SEMA4D: variants seen among roughly 807,000 people sequenced by gnomAD.
SEMA4D encodes the protein semaphorin-4D.
In SEMA4D, 22 loss-of-function variants were observed where a neutral mutation model predicts 74.8. The ratio of observed to expected loss-of-function variants is 0.29; its 90% CI spans 0.21 to 0.42. The LOEUF (loss-of-function observed/expected upper bound fraction) is 0.42, where lower values mean the gene tolerates loss of function less well. Ranked by LOEUF, SEMA4D falls within the 10% of genes least tolerant of loss-of-function variation. The pLI, the probability that SEMA4D is intolerant of heterozygous loss-of-function variation, is 1.00. For synonymous variants in SEMA4D, 445 were observed against 463.7 expected (o/e 0.96, Z 0.52); for missense variants, 937 against 1,118.4 (o/e 0.84, Z 2.31).
intron 2 of SEMA4D, chr9:89,449,903 T>C: frequency 7.0e-7 from 1 of 1,438,832 alleles, no homozygotes; most frequent in Non-Finnish European, 9.8e-7. Context: ...TCCATGTGAA[T>C]GGCTTCATCA....
intron 2 of SEMA4D, among the ~76,000 whole-genome samples, chr9:89,442,168 A>T (rs879588838): frequency 0.073 from 11,082 of 152,150 alleles, 607 homozygotes; most frequent in East Asian, 0.29. Context: ...TCTTCAGGCC[A>T]GAGACATGGT....
At chr9:89,462,680 C>T (rs936828007) in intron 1 of SEMA4D, among the ~76,000 whole-genome samples, 9 of 151,906 alleles carry the variant, frequency 5.9e-5, no homozygotes, top group African/African-American at 1.9e-4. Context: ...TGCAGGGGCT[C>T]GTGCCTGTAA....
intron 2 of SEMA4D, chr9:89,418,717 C>A (rs1432371145): frequency 6.6e-6 from 1 of 151,808 alleles, no homozygotes; most frequent in Non-Finnish European, 1.5e-5. Flanking sequence ...AGTAGCAGCA[C>A]CAACAATTAG....
At chr9:89,373,211 C>T (rs570558965), downstream of SEMA4D, among the ~76,000 whole-genome samples, 6 of 152,320 alleles carry the variant, frequency 3.9e-5, no homozygotes, top group African/African-American at 9.6e-5. Flanking sequence ...CCGCACCCCA[C>T]GTTGGGCCCT....
intron 1 of SEMA4D, among the ~76,000 whole-genome samples, chr9:89,460,737 C>A (rs1360730495): frequency 1.3e-5 from 2 of 152,220 alleles, no homozygotes; most frequent in Non-Finnish European, 2.9e-5. Flanking sequence ...GAAGGTGAAC[C>A]ACACCCCTCA....
downstream of SEMA4D, among the ~76,000 whole-genome samples, chr9:89,375,632 G>C (rs1835685008): frequency 6.6e-6 from 1 of 152,182 alleles, no homozygotes; most frequent in Non-Finnish European, 1.5e-5. Flanking sequence ...CCCGGGGCAG[G>C]CTCTAACAGG....
At chr9:89,392,736 G>A (rs1477211359) in intron 7 of SEMA4D, among the ~76,000 whole-genome samples, 200 bp from the exon 8 acceptor site, 3 of 151,910 alleles carry the variant, frequency 2.0e-5, no homozygotes, top group African/African-American at 7.3e-5. Flanking sequence ...AGGTTTTTTT[G>A]TTTTGTTTTG....
At chr9:89,367,919 C>T (rs1588081504) in intron 16 of SEMA4D, 1 of 152,316 alleles carries the variant, frequency 6.6e-6, no homozygotes, top group African/African-American at 2.4e-5. Flanking sequence ...CTAACGGAGC[C>T]AGCTGGTGCC....
intron 1 of SEMA4D, among the ~76,000 whole-genome samples, chr9:89,480,719 G>A (rs1275905786): frequency 1.3e-5 from 2 of 152,210 alleles, no homozygotes; most frequent in South Asian, 2.1e-4. Context: ...CGAGTGCGGG[G>A]CCCACCAAGC....
intron 1 of SEMA4D, among the ~76,000 whole-genome samples, chr9:89,493,008 C>T (rs1825747175): frequency 6.6e-6 from 1 of 152,370 alleles, no homozygotes; most frequent in Non-Finnish European, 1.5e-5. Context: ...CCATCTCCCT[C>T]CACTTGACCA....
chr9:89,411,323 C>T (rs921570603), intron 2 of SEMA4D, among the ~76,000 whole-genome samples: 3 of 152,152 alleles, frequency 2.0e-5, no homozygotes, highest in Admixed American at 6.5e-5. Context: ...TATCACTGCC[C>T]AGTTGCATAG....
Position 89,377,658 on chromosome 9 carries a change from A to C in SEMA4D, c.*1046T>G, listed in dbSNP as rs9445. ...AGAAAGTCTGGGCAGGCAGTGGGTA[A>C]GCAATTGAAGCAAGAAGAGAAAGGA... On this transcript the variant is annotated 3_prime_UTR_variant, in exon 16 of 16. Transcript: ENST00000422704. The C allele has an allele frequency of 1.3e-5, 2 of 152,030 alleles. No individual in the cohort carries two copies. The highest frequency in any genetic ancestry group is 4.1e-4 in the South Asian group (2 of 4,830). 9.4% of individuals were successfully genotyped at this position (152,030 alleles called of 1,614,324 possible).
chr9:89,442,503 A>AAGGAGGGG (rs1351195082), intron 2 of SEMA4D, among the ~76,000 whole-genome samples: 6 of 152,342 alleles, frequency 3.9e-5, no homozygotes, highest in South Asian at 2.1e-4. Context: ...GGTCAGCAGC[A>AAGGAGGGG]AGGAGGGGAG....
intron 5 of SEMA4D, 48 bp downstream of exon 5, chr9:89,399,228 C>G (rs757080945): frequency 5.3e-6 from 8 of 1,516,718 alleles, no homozygotes; most frequent in Non-Finnish European, 7.3e-6. Context: ...TTAAAACAAC[C>G]AAGAAATACT....
chr9:89,391,362 C>A lies in SEMA4D; in HGVS notation c.676G>T (p.Gly226Cys). 1 of 1,614,270 alleles carries A rather than the reference C, an allele frequency of 6.2e-7. No homozygotes were observed. Among genetic ancestry groups the A allele is most frequent in the Admixed American group, 1.7e-5 (1 of 60,030 alleles). ...VIRKSPDSPD[G>C]EDDRVYFFFT... ...AAGAAGTAGACCCTGTCATCCTCGC[C>A]GTCGGGGCTGTCTGGGCTTTTTCGG... Residue 226 changes from glycine (G) to cysteine (C), a missense_variant, in exon 9 of 16, where the codon GGC becomes TGC. By Grantham distance (159) the Gly-to-Cys change is radical (BLOSUM62 -3). Transcript: ENST00000422704.
At chr9:89,377,194 G>T, downstream of SEMA4D, 1 of 1,308,644 alleles carries the variant, frequency 7.6e-7, no homozygotes, top group South Asian at 1.9e-5. Context: ...ATGCAGGGGC[G>T]GGAGGCTGCA....
intron 1 of SEMA4D, among the ~76,000 whole-genome samples, chr9:89,461,696 T>TTCTCTCTC (rs148655839): frequency 5.0e-5 from 5 of 100,922 alleles, no homozygotes; most frequent in Non-Finnish European, 8.2e-5. Context: ...TATTTCTTTT[T>TTCTCTCTC]TCTCTTTTTT....
intron 16 of SEMA4D, among the ~76,000 whole-genome samples, chr9:89,370,740 TGTGTGGG>T (rs1007720308): frequency 7.0e-6 from 1 of 142,446 alleles, no homozygotes; most frequent in African/African-American, 2.6e-5. Context: ...GTGTGGTGTG[TGTGTGGG>T]GTGTGGTTGT....
At chr9:89,380,939 TC>T in intron 15 of SEMA4D, 115 bp downstream of exon 15, 1 of 1,267,384 alleles carries the variant, frequency 7.9e-7, no homozygotes, top group Non-Finnish European at 1.1e-6. Context: ...TGACCTCTGT[TC>T]CGAGTGGAGA....
Sources: gnomAD v4.1 joint callset for allele counts (sites outside exome capture counted in the v4.1 genomes callset) on GRCh38, gnomAD v4.1.1 for gene constraint, MANE v1.5 for transcripts, NCBI Gene and HGNC (gene_info 2026-07-23, HGNC 2026-07-21) for gene names.